DCC: variants seen among roughly 807,000 people sequenced by gnomAD.
The protein encoded by DCC is DCC netrin 1 receptor.
DCC carries 58 observed loss-of-function variants against 172.5 expected under a neutral mutation model. That is an observed-to-expected ratio of 0.34 (90% CI 0.27 to 0.42). DCC has a LOEUF of 0.42. Among genes scored for constraint, DCC ranks in the 10% least tolerant of loss-of-function variants. DCC has a pLI of 1.00. For synonymous variants in DCC, 709 were observed against 644.5 expected, an observed-to-expected ratio of 1.10 and a Z score of -1.52; for missense variants, 1,740 against 1,791.0, an observed-to-expected ratio of 0.97 and a Z score of 0.51.
At chr18:53,213,299 G>A (rs2055786830) in intron 11 of DCC, among the ~76,000 whole-genome samples, 1 of 152,028 alleles carries the variant, frequency 6.6e-6, no homozygotes, top group Non-Finnish European at 1.5e-5. Flanking sequence ...GAAACATATA[G>A]CATGACATGT....
At chr18:53,094,615 A>G (rs998876147) in intron 7 of DCC, among the ~76,000 whole-genome samples, 1 of 152,246 alleles carries the variant, frequency 6.6e-6, no homozygotes, top group African/African-American at 2.4e-5. Flanking sequence ...GGAATTTTAT[A>G]GAATAATTTT....
intron 12 of DCC, among the ~76,000 whole-genome samples, chr18:53,221,547 G>A (rs2055932652): frequency 6.6e-6 from 1 of 152,112 alleles, no homozygotes; most frequent in Non-Finnish European, 1.5e-5. Flanking sequence ...GAATGTGAGA[G>A]AAAATGGGGA....
At chr18:53,413,554 C>T (rs1910116829) in intron 20 of DCC, among the ~76,000 whole-genome samples, 1 of 152,104 alleles carries the variant, frequency 6.6e-6, no homozygotes, top group African/African-American at 2.4e-5. Flanking sequence ...TTCAGTGCAG[C>T]TTTGCTAGTA....
chr18:52,829,602 C>T (rs1221498447), intron 2 of DCC, among the ~76,000 whole-genome samples: 1 of 152,176 alleles, frequency 6.6e-6, no homozygotes, highest in East Asian at 1.9e-4. Flanking sequence ...CAGGACCCCA[C>T]TACTCAGACC....
At chr18:52,580,711 A>G (rs1305328354) in intron 1 of DCC, among the ~76,000 whole-genome samples, 1 of 152,178 alleles carries the variant, frequency 6.6e-6, no homozygotes, top group Non-Finnish European at 1.5e-5. Flanking sequence ...CTAGAGCAGC[A>G]CTGTTATTGA....
intron 5 of DCC, among the ~76,000 whole-genome samples, chr18:52,964,347 C>G (rs1175294716): frequency 1.3e-5 from 2 of 151,948 alleles, no homozygotes; most frequent in African/African-American, 4.8e-5. Flanking sequence ...TTCAAATTGT[C>G]CATTATTTGT....
intron 12 of DCC, among the ~76,000 whole-genome samples, chr18:53,261,005 G>A (rs1207850481): frequency 6.6e-6 from 1 of 152,158 alleles, no homozygotes; most frequent in African/African-American, 2.4e-5. Flanking sequence ...TCCACGCCAG[G>A]CACTGGATAT....
In DCC at chr18:53,258,703, G is replaced by GGA. The variant is rs1568396242; in HGVS notation, c.1911+43108_1911+43109dup. Among the ~76,000 whole-genome samples the GGA allele has an allele frequency of 5.2e-3, 795 of 152,160 alleles. 8 individuals carry two copies. The highest frequency in any genetic ancestry group is 0.018 in the African/African-American group (735 of 41,520). On this transcript the variant is annotated intron_variant, in intron 12 of 28. Transcript: ENST00000442544. ...TGTATATTCTGTTGATTTGGGGTACGGAGTTCTGTAGATGTCTATTAGGTC... is the reference window on the plus strand; with the variant it reads ...TGTATATTCTGTTGATTTGGGGTACGGAGAGTTCTGTAGATGTCTATTAGGTC...
intron 1 of DCC, among the ~76,000 whole-genome samples, chr18:52,494,158 C>T (rs556341415): frequency 6.6e-6 from 1 of 152,044 alleles, no homozygotes; most frequent in South Asian, 2.1e-4. Flanking sequence ...GTTGAGAGGT[C>T]AACTATTATT....
chr18:52,438,740 T>C (rs528663218), intron 1 of DCC, among the ~76,000 whole-genome samples: 1 of 152,314 alleles, frequency 6.6e-6, no homozygotes, highest in Admixed American at 6.5e-5. Flanking sequence ...GATTTTCAAG[T>C]GGCATCACTA....
intron 1 of DCC, among the ~76,000 whole-genome samples, chr18:52,674,979 G>A (rs983899078): frequency 2.6e-5 from 4 of 152,148 alleles, no homozygotes; most frequent in African/African-American, 9.7e-5. Flanking sequence ...GGCTGCTTCT[G>A]CATGATAAAA....
intron 1 of DCC, among the ~76,000 whole-genome samples, chr18:52,537,041 A>C (rs898855840): frequency 6.6e-6 from 1 of 152,190 alleles, no homozygotes; most frequent in Non-Finnish European, 1.5e-5. Context: ...GTGCTGTTAA[A>C]GTGGCAGGCT....
intron 1 of DCC, among the ~76,000 whole-genome samples, chr18:52,728,338 A>T (rs2036585467): frequency 6.6e-6 from 1 of 152,300 alleles, no homozygotes; most frequent in Middle Eastern, 3.4e-3. Context: ...GAGGCAGCTC[A>T]AGGGTAGAGG....
At position 52,404,881 on chromosome 18, in the gene DCC, C is replaced by G. The variant is rs529734095; in HGVS notation, c.91+64003C>G. On this transcript the variant is annotated intron_variant, in intron 1 of 28. Transcript: ENST00000442544. ...CCTGTGTCCATGTGATCTCATTGTT[C>G]AATTCCCACCTATGAGTGAGAATAT... 3.8e-3 allele frequency among the ~76,000 whole-genome samples: 549 copies of G among 144,874 alleles called. 6 individuals are homozygous for G. Among genetic ancestry groups the G allele is most frequent in the African/African-American group, 0.014 (528 of 39,080 alleles).
intron 3 of DCC, among the ~76,000 whole-genome samples, chr18:52,918,473 C>G (rs1260642337): frequency 6.6e-6 from 1 of 152,084 alleles, no homozygotes; most frequent in Non-Finnish European, 1.5e-5. Context: ...ATATGTGCCT[C>G]GAATGTTAGT....
rs553054176 is a variant in DCC at position 52,620,734 on chromosome 18, G to A, written c.92-131320G>A. On this transcript the variant is annotated intron_variant, in intron 1 of 28. Transcript: ENST00000442544. ...CCCTCTGTCTTAAGTAGACGATGTC[G>A]GAGGAAAAAAATAGGTAACCATAAT... 1.9e-3 allele frequency among the ~76,000 whole-genome samples: 285 copies of A among 152,052 alleles called. 1 individual carries two copies. The highest frequency in any genetic ancestry group is 6.5e-3 in the African/African-American group (271 of 41,476).
chr18:53,130,369 G>C (rs996333385), intron 7 of DCC, among the ~76,000 whole-genome samples: 3 of 152,028 alleles, frequency 2.0e-5, no homozygotes, highest in Non-Finnish European at 4.4e-5. Flanking sequence ...TATAAATGTG[G>C]TTCCCAGGTT....
intron 8 of DCC, among the ~76,000 whole-genome samples, chr18:53,177,700 G>A (rs2055128205): frequency 6.6e-6 from 1 of 152,140 alleles, no homozygotes; most frequent in Non-Finnish European, 1.5e-5. Flanking sequence ...TTTAGGCCAG[G>A]CCTGGAATCA....
chr18:53,167,104 T>C (rs960027221), intron 8 of DCC, among the ~76,000 whole-genome samples: 7 of 152,192 alleles, frequency 4.6e-5, no homozygotes, highest in Admixed American at 3.9e-4. Context: ...TTAATGTAAC[T>C]CTTCCTCCCT....
Sources: gnomAD v4.1 joint callset for allele counts (sites outside exome capture counted in the v4.1 genomes callset) on GRCh38, gnomAD v4.1.1 for gene constraint, MANE v1.5 for transcripts, NCBI Gene and HGNC (gene_info 2026-07-23, HGNC 2026-07-21) for gene names.